Variants in LIPN observed in about 807,000 individuals in gnomAD.
LIPN encodes the protein lipase family member N.
LIPN carries 32 observed loss-of-function variants against 43.7 expected under a neutral mutation model. That is an observed-to-expected ratio of 0.73 (90% CI 0.55 to 0.98). LIPN has a LOEUF of 0.98. Among genes scored for constraint, LIPN ranks in the 50% least tolerant of loss-of-function variants. The pLI is 0.00. For synonymous variants in LIPN, 156 were observed against 157.6 expected, an observed-to-expected ratio of 0.99 and a Z score of 0.08; for missense variants, 505 against 483.8, an observed-to-expected ratio of 1.04 and a Z score of -0.41.
Position 88,777,695 on chromosome 10 carries a change from G to GCAACCTTCCCT in LIPN, c.964-310_964-300dup, listed in dbSNP as rs144184030. On this transcript the variant is annotated intron_variant, in intron 9 of 9. Transcript: ENST00000404459. ...TCACCCTCATCTCTGCTGTCAAAAT[G>GCAACCTTCCCT]CAACCTTCCCTCAAGAGTCATTTCA... Among the ~76,000 whole-genome samples the GCAACCTTCCCT allele has an allele frequency of 8.4e-3, 1,283 of 152,114 alleles. 47 individuals carry two copies. The highest frequency in any genetic ancestry group is 0.071 in the East Asian group (368 of 5,158).
intron 9 of LIPN, 72 bp from the exon 10 acceptor site, chr10:88,777,937 C>A: frequency 1.1e-6 from 1 of 874,360 alleles, no homozygotes; most frequent in Non-Finnish European, 1.8e-6. Flanking sequence ...TGTCCACATT[C>A]ATTTAGCAGC....
chr10:88,758,788 G>A (rs1207155895), upstream of LIPN, among the ~76,000 whole-genome samples: 1 of 151,978 alleles, frequency 6.6e-6, no homozygotes, highest in Non-Finnish European at 1.5e-5. Context: ...GGGAATATAA[G>A]TCAATGATGT....
intron 1 of LIPN, among the ~76,000 whole-genome samples, chr10:88,760,780 G>T (rs1842983440): frequency 6.6e-6 from 1 of 152,056 alleles, no homozygotes; most frequent in Admixed American, 6.6e-5. Flanking sequence ...TAGACCATTT[G>T]ACTGTAGCAC....
Position 88,778,321 on chromosome 10 carries a change from A to T in LIPN, c.*79A>T, listed in dbSNP as rs1263590914. 1.4e-5 allele frequency: 14 copies of T among 1,029,218 alleles called. No individual in the cohort carries two copies. The highest frequency in any genetic ancestry group is 1.9e-5 in the Non-Finnish European group (13 of 693,328). The allele number at this position is 1,029,218 out of a possible 1,614,324, so 63.8% of individuals were successfully genotyped here. A position where few individuals can be genotyped will look rare whatever the true frequency, so the allele number is the denominator to read the frequency against. ...TTAGAAAAAATAGTAACCAACAATG[A>T]GGTTGTCCCCCAGCACCCTGGGGGA... is the stretch of plus-strand genomic sequence containing the variant. On this transcript the variant is annotated 3_prime_UTR_variant, in exon 10 of 10. Coordinates refer to ENST00000404459, the MANE Select transcript of LIPN (RefSeq NM_001102469.2).
upstream of LIPN, among the ~76,000 whole-genome samples, chr10:88,759,656 T>A (rs998224006): frequency 4.6e-5 from 7 of 152,090 alleles, no homozygotes; most frequent in Admixed American, 4.6e-4. Flanking sequence ...TTGGCACTAG[T>A]TCCTTGATAT....
At chr10:88,764,032 C>G (rs1843046696) in intron 3 of LIPN, among the ~76,000 whole-genome samples, 1 of 152,012 alleles carries the variant, frequency 6.6e-6, no homozygotes, top group Non-Finnish European at 1.5e-5. Context: ...AGTCCCTGCT[C>G]TGGCCTTCTT....
At chr10:88,775,897 T>G (rs11202850) in intron 9 of LIPN, among the ~76,000 whole-genome samples, 9,387 of 152,110 alleles carry the variant, frequency 0.062, 602 homozygotes, top group East Asian at 0.27. Context: ...TTTCTGAGGA[T>G]CAAAACAATC....
chr10:88,758,780 G>A (rs556461641), upstream of LIPN, among the ~76,000 whole-genome samples: 8 of 151,992 alleles, frequency 5.3e-5, no homozygotes, highest in African/African-American at 1.9e-4. Flanking sequence ...GTTGAGGAGG[G>A]AATATAAGTC....
intron 6 of LIPN, among the ~76,000 whole-genome samples, chr10:88,769,842 C>G (rs766495487): frequency 4.6e-5 from 7 of 151,864 alleles, no homozygotes; most frequent in Non-Finnish European, 1.0e-4. Flanking sequence ...ACTGAGAGCA[C>G]AAATGATGTA....
Position 88,760,060 on chromosome 10 carries a change from C to T in LIPN, c.-55C>T, listed in dbSNP as rs1290593433. Reference sequence around the variant, plus strand: ...GTCAAAAGCAAAAGTTCAGAAGTTCCTCATCAATAAGGAGTCCTTGTGAGC... The same window carrying T: ...GTCAAAAGCAAAAGTTCAGAAGTTCTTCATCAATAAGGAGTCCTTGTGAGC... On this transcript the variant is annotated 5_prime_UTR_variant, in exon 1 of 10. Transcript: ENST00000404459. 6.6e-6 allele frequency among the ~76,000 whole-genome samples: 1 copy of T among 152,054 alleles called. No individual in the cohort carries two copies. The highest frequency in any genetic ancestry group is 1.5e-5 in the Non-Finnish European group (1 of 67,990).
At chr10:88,771,357 G>A (rs1473817398) in intron 7 of LIPN, among the ~76,000 whole-genome samples, 1 of 151,590 alleles carries the variant, frequency 6.6e-6, no homozygotes, top group Non-Finnish European at 1.5e-5. Context: ...CCAGACTTTA[G>A]TCCTTCTAAC....
At chr10:88,762,112 C>A in intron 2 of LIPN, 76 bp from the exon 3 acceptor site, 1 of 731,796 alleles carries the variant, frequency 1.4e-6, no homozygotes, top group African/African-American at 1.7e-5. Flanking sequence ...AATAAGCACA[C>A]AACAGATGGT....
intron 7 of LIPN, among the ~76,000 whole-genome samples, chr10:88,771,960 G>C (rs1425033158): frequency 6.6e-6 from 1 of 151,854 alleles, no homozygotes; most frequent in Non-Finnish European, 1.5e-5. Context: ...TAACTGGAGT[G>C]AGATAGTACT....
intron 3 of LIPN, among the ~76,000 whole-genome samples, chr10:88,763,363 T>G (rs1351125761): frequency 1.3e-5 from 2 of 152,078 alleles, no homozygotes; most frequent in African/African-American, 2.4e-5. Flanking sequence ...CAGGCACATG[T>G]GTGAAGGAGC....
rs968608948 is a variant in LIPN, at chr10:88,779,427, G to C, written c.*1185G>C. ...GTATACGTATTGATGGGGAATAATG[G>C]TCACTATGAAAACCATGTGATAATA... On this transcript the variant is annotated 3_prime_UTR_variant, in exon 10 of 10. Coordinates refer to ENST00000404459, the MANE Select transcript of LIPN (RefSeq NM_001102469.2). 2.6e-5 allele frequency among the ~76,000 whole-genome samples: 4 copies of C among 152,090 alleles called. No individual in the cohort carries two copies. The highest frequency in any genetic ancestry group is 9.7e-5 in the African/African-American group (4 of 41,420).
chr10:88,770,375 C>T (rs1258348145), intron 6 of LIPN, among the ~76,000 whole-genome samples: 1 of 151,788 alleles, frequency 6.6e-6, no homozygotes, highest in Non-Finnish European at 1.5e-5. Flanking sequence ...CCCTTATATT[C>T]AAGGTATTAT....
At position 88,767,644 on chromosome 10, in the gene LIPN, C is replaced by CAAAAAA. The variant is rs61646268; in HGVS notation, c.536-1105_536-1100dup. On this transcript the variant is annotated intron_variant, in intron 5 of 9. Coordinates refer to ENST00000404459, the MANE Select transcript of LIPN (RefSeq NM_001102469.2). ...TAGATATGCTCTTATACTTGATCTGCAAAAAAAAAAAAAAAAAAAAAAAAA... is the reference window on the plus strand; with the variant it reads ...TAGATATGCTCTTATACTTGATCTGCAAAAAAAAAAAAAAAAAAAAAAAAAAAAAAA... Among the ~76,000 whole-genome samples the CAAAAAA allele has an allele frequency of 5.2e-4, 32 of 61,518 alleles. 7 individuals are homozygous for CAAAAAA. Among genetic ancestry groups the CAAAAAA allele is most frequent in the Admixed American group, 1.5e-3 (7 of 4,798 alleles). 40.4% of individuals were successfully genotyped at this position (61,518 alleles called of 152,430 possible).
At chr10:88,774,394 C>T (rs1361613162) in intron 7 of LIPN, 79 bp from the exon 8 acceptor site, 9 of 827,014 alleles carry the variant, frequency 1.1e-5, no homozygotes, top group Non-Finnish European at 1.9e-5. Context: ...TTTGCTAATT[C>T]TGTGCATCAT....
intron 6 of LIPN, 94 bp from the exon 7 acceptor site, chr10:88,770,751 G>A (rs1180670681): frequency 1.4e-6 from 1 of 713,330 alleles, no homozygotes; most frequent in Non-Finnish European, 2.2e-6. Flanking sequence ...ATTGAGTTGA[G>A]CTCCTTATAT....
Sources: allele counts gnomAD v4.1 joint callset (sites outside exome capture counted in the v4.1 genomes callset), GRCh38; gene constraint gnomAD v4.1.1; transcripts MANE v1.5; gene names NCBI Gene and HGNC (gene_info 2026-07-23, HGNC 2026-07-21).